The following SNRPG variants were observed in gnomAD, a reference collection of about 807,000 sequenced individuals.
SNRPG encodes small nuclear ribonucleoprotein polypeptide G.
SNRPG carries 3 observed loss-of-function variants against 13.9 expected under a neutral mutation model. The observed-to-expected ratio is 0.22, with a 90% confidence interval of 0.10 to 0.56. SNRPG has a LOEUF of 0.56. Among genes scored for constraint, SNRPG ranks in the 20% least tolerant of loss-of-function variants. The probability of loss-of-function intolerance (pLI) is 0.93; values close to 1 mark genes in which losing one functional copy is unlikely to be tolerated. For missense variants in SNRPG, 34 were observed against 96.1 expected (o/e 0.35, Z 2.70); for synonymous variants, 29 against 29.3 (o/e 0.99, Z 0.03).
rs761290389 is a variant in SNRPG at position 70,288,104 on chromosome 2, C to G, written c.144G>C (p.Met48Ile). 2 of 1,610,968 alleles carry G rather than the reference C, an allele frequency of 1.2e-6. No individual in the cohort carries two copies. The highest frequency in any genetic ancestry group is 2.7e-5 in the African/African-American group (2 of 74,860). Residue 48 changes from methionine (M) to isoleucine (I), a missense_variant, in exon 3 of 4, where the codon ATG becomes ATC. Coordinates refer to ENST00000272348, the MANE Select transcript of SNRPG (RefSeq NM_003096.4). The stretch of plus-strand genomic sequence containing the variant: ...TATTGTTCTGTTGTCCACTAGTCGC[C>G]ATCTCCACACATTCATCTATCACAA... The part of the protein sequence containing the change: ...MNLVIDECVE[M>I]ATSGQQNNIG...
intron 3 of SNRPG, among the ~76,000 whole-genome samples, chr2:70,282,147 C>T (rs1239871588): frequency 1.3e-5 from 2 of 152,144 alleles, no homozygotes; most frequent in Non-Finnish European, 2.9e-5. Flanking sequence ...AACTCCTGAC[C>T]TCAAGTAATC....
At chr2:70,292,794 C>T (rs1247264248) in intron 1 of SNRPG, 1 of 241,904 alleles carries the variant, frequency 4.1e-6, no homozygotes, top group Non-Finnish European at 8.2e-6. Flanking sequence ...TGCAATCCAA[C>T]TAATACATGT....
intron 3 of SNRPG, 130 bp downstream of exon 3, chr2:70,287,938 A>G (rs965198856): frequency 4.5e-5 from 35 of 782,052 alleles, no homozygotes; most frequent in South Asian, 2.0e-4. Flanking sequence ...GCCGTATGCA[A>G]CTAAAAAGGA....
Position 70,293,678 on chromosome 2 carries a change from C to G in SNRPG, c.-29G>C. On this transcript the variant is annotated 5_prime_UTR_variant, in exon 1 of 4. Transcript: ENST00000272348. ...GTATACTCCGCGGGCTCACAGATGC[C>G]TTGGAACGCAACGCACGGCTTTCCT... is the stretch of plus-strand genomic sequence containing the variant. 6.2e-7 allele frequency: 1 copy of G among 1,612,602 alleles called. No homozygotes were observed. Among genetic ancestry groups the G allele is most frequent in the African/African-American group, 1.3e-5 (1 of 75,024 alleles).
intron 3 of SNRPG, among the ~76,000 whole-genome samples, chr2:70,282,458 A>G (rs1377891087): frequency 6.6e-6 from 1 of 152,220 alleles, no homozygotes; most frequent in African/African-American, 2.4e-5. Flanking sequence ...AGGAAATTCT[A>G]GACAGAACTA....
At chr2:70,283,323 T>C (rs1021261148) in intron 3 of SNRPG, among the ~76,000 whole-genome samples, 1 of 151,748 alleles carries the variant, frequency 6.6e-6, no homozygotes, top group Admixed American at 6.6e-5. Context: ...GATAGGTGAA[T>C]GGAGGGGTAC....
intron 1 of SNRPG, among the ~76,000 whole-genome samples, chr2:70,290,823 T>TTA (rs1559045715): frequency 4.0e-5 from 1 of 25,262 alleles, no homozygotes. Context: ...CCGTCTCTAC[T>TTA]AAAAAAAAAA....
chr2:70,289,338 CA>C lies in SNRPG; in HGVS notation c.55+11del. The C allele has an allele frequency of 7.1e-7, 1 of 1,409,528 alleles. No individual in the cohort carries two copies. The highest frequency in any genetic ancestry group is 9.9e-7 in the Non-Finnish European group (1 of 1,014,670). The allele number at this position is 1,409,528 out of a possible 1,614,324, so 87.3% of individuals were successfully genotyped here. ...ATAATTAAAAAAAACCCCAAAACAA[CA>C]ACAAACTTACATGATAACTTCTTGT... On this transcript the variant is annotated intron_variant, in intron 2 of 3. Coordinates refer to ENST00000272348, the MANE Select transcript of SNRPG (RefSeq NM_003096.4).
intron 3 of SNRPG, among the ~76,000 whole-genome samples, chr2:70,286,301 G>A (rs774288149): frequency 2.0e-5 from 3 of 152,124 alleles, no homozygotes; most frequent in Non-Finnish European, 4.4e-5. Context: ...CTTGGACAAG[G>A]TAATAATGAA....
chr2:70,282,266 ACT>A (rs1321617234), intron 3 of SNRPG, among the ~76,000 whole-genome samples: 2 of 152,002 alleles, frequency 1.3e-5, no homozygotes, highest in Non-Finnish European at 2.9e-5. Context: ...CCCATCCCTG[ACT>A]CTATGGGATC....
chr2:70,289,537 C>T (rs1162115082), intron 1 of SNRPG, among the ~76,000 whole-genome samples, 165 bp from the exon 2 acceptor site: 1 of 152,076 alleles, frequency 6.6e-6, no homozygotes, highest in African/African-American at 2.4e-5. Context: ...GGGAGTAGGG[C>T]GAGGTAGCTC....
intron 3 of SNRPG, among the ~76,000 whole-genome samples, chr2:70,282,970 T>C (rs1006242586): frequency 3.3e-5 from 5 of 151,318 alleles, no homozygotes; most frequent in African/African-American, 1.2e-4. Flanking sequence ...GGCACATGCC[T>C]GTAATCCCAG....
At chr2:70,281,794 G>C in intron 3 of SNRPG, 110 bp from the exon 4 acceptor site, 1 of 614,332 alleles carries the variant, frequency 1.6e-6, no homozygotes, top group Non-Finnish European at 2.9e-6. Context: ...ATTACATGTC[G>C]GTTTGCAAAG....
intron 1 of SNRPG, among the ~76,000 whole-genome samples, chr2:70,290,995 G>C (rs1697075764): frequency 1.4e-5 from 2 of 143,702 alleles, no homozygotes; most frequent in Non-Finnish European, 3.0e-5. Flanking sequence ...TGGGCAATAA[G>C]AGTGAAACTC....
intron 3 of SNRPG, among the ~76,000 whole-genome samples, chr2:70,285,277 AAAG>A (rs1393240423): frequency 1.3e-5 from 2 of 152,166 alleles, no homozygotes; most frequent in African/African-American, 2.4e-5. Context: ...GAAGAAGTAA[AAAG>A]AAGTTCGTGC....
intron 3 of SNRPG, among the ~76,000 whole-genome samples, chr2:70,283,102 A>AAAAAAAAAAAAAAAC: frequency 6.9e-6 from 1 of 144,998 alleles, no homozygotes; most frequent in African/African-American, 2.6e-5. Flanking sequence ...TTGTCAAAAA[A>AAAAAAAAAAAAAAAC]AAAAAAAAAA....
At chr2:70,286,342 C>T (rs1426327100) in intron 3 of SNRPG, among the ~76,000 whole-genome samples, 1 of 152,138 alleles carries the variant, frequency 6.6e-6, no homozygotes, top group Admixed American at 6.5e-5. Flanking sequence ...CAACTTCTAA[C>T]AAAATAACAA....
chr2:70,291,294 G>C (rs1231642788), intron 1 of SNRPG: 3 of 152,198 alleles, frequency 2.0e-5, no homozygotes, highest in Non-Finnish European at 2.9e-5. Context: ...AGTATTAGCA[G>C]CTAGAAGGTT....
chr2:70,290,949 T>C (rs1697074101), intron 1 of SNRPG, among the ~76,000 whole-genome samples: 1 of 144,238 alleles, frequency 6.9e-6, no homozygotes, highest in African/African-American at 2.6e-5. Flanking sequence ...AGGCACAGGT[T>C]GCGGTGAGCC....
Sources: allele counts gnomAD v4.1 joint callset (sites outside exome capture counted in the v4.1 genomes callset), GRCh38; gene constraint gnomAD v4.1.1; transcripts MANE v1.5; gene names NCBI Gene and HGNC (gene_info 2026-07-23, HGNC 2026-07-21).